The following BMPR1B variants were observed in gnomAD, a reference collection of about 807,000 sequenced individuals.
The protein encoded by BMPR1B is bone morphogenetic protein receptor type-1B.
BMPR1B carries 12 observed loss-of-function variants against 59.1 expected under a neutral mutation model. That is an observed-to-expected ratio of 0.20 (90% CI 0.13 to 0.33). The LOEUF (loss-of-function observed/expected upper bound fraction) is 0.33, where lower values mean the gene tolerates loss of function less well. BMPR1B is among the 10% of genes least tolerant of loss of function. The pLI is 1.00. For missense variants in BMPR1B, 550 were observed against 610.9 expected, an observed-to-expected ratio of 0.90 and a Z score of 1.05; for synonymous variants, 237 against 207.3, an observed-to-expected ratio of 1.14 and a Z score of -1.23.
rs1004244411 is a variant in BMPR1B, at chr4:94,869,132, A to T, written c.-182-6699A>T. Among the ~76,000 whole-genome samples the T allele has an allele frequency of 1.6e-4, 21 of 132,134 alleles. No individual in the cohort carries two copies. In the South Asian group the frequency reaches 4.9e-3, roughly 31 times the overall value. 86.7% of individuals were successfully genotyped at this position (132,134 alleles called of 152,430 possible). A position where few individuals can be genotyped will look rare whatever the true frequency, so the allele number is the denominator to read the frequency against. On this transcript the variant is annotated intron_variant, in intron 1 of 12. Coordinates refer to ENST00000515059, the MANE Select transcript of BMPR1B (RefSeq NM_001203.3). Reference sequence around the variant, plus strand: ...CACACACACACACACACACACACACACACACACACACTTTGCTTTAAAGGA... The same window carrying T: ...CACACACACACACACACACACACACTCACACACACACTTTGCTTTAAAGGA...
chr4:94,778,443 A>C (rs746115697), intron 1 of BMPR1B, among the ~76,000 whole-genome samples: 1 of 152,070 alleles, frequency 6.6e-6, no homozygotes, highest in African/African-American at 2.4e-5. Context: ...TTTGTGATAC[A>C]CTGTTGGGGG....
chr4:94,919,418 A>G (rs1436669341), intron 2 of BMPR1B, among the ~76,000 whole-genome samples: 2 of 152,218 alleles, frequency 1.3e-5, no homozygotes, highest in Non-Finnish European at 2.9e-5. Flanking sequence ...TAACAAACAA[A>G]GGCTTCACAA....
chr4:94,920,159 T>A (rs1728635311), intron 2 of BMPR1B, among the ~76,000 whole-genome samples: 1 of 152,162 alleles, frequency 6.6e-6, no homozygotes, highest in Admixed American at 6.5e-5. Context: ...ATTGTACTTT[T>A]TATACTGGTT....
At position 94,910,856 on chromosome 4, in the gene BMPR1B, G is replaced by A. The variant is rs1728245759; in HGVS notation, c.-113+34956G>A. Among the ~76,000 whole-genome samples, 3 of 152,102 alleles carry A rather than the reference G, an allele frequency of 2.0e-5. 1 individual carries two copies. The highest frequency in any genetic ancestry group is 1.5e-5 in the Non-Finnish European group (1 of 68,010). ...GAGCCCAGGAGTTTGAGGTTATAGAGAGCTGTGATGGTGCCACTGAACTCT... is the reference window on the plus strand; with the variant it reads ...GAGCCCAGGAGTTTGAGGTTATAGAAAGCTGTGATGGTGCCACTGAACTCT... On this transcript the variant is annotated intron_variant, in intron 2 of 12. Coordinates refer to ENST00000515059, the MANE Select transcript of BMPR1B (RefSeq NM_001203.3).
intron 2 of BMPR1B, among the ~76,000 whole-genome samples, chr4:94,950,603 T>C (rs1042602895): frequency 4.6e-5 from 7 of 152,134 alleles, no homozygotes; most frequent in Non-Finnish European, 1.0e-4. Flanking sequence ...TGGTTGTAGA[T>C]GTGTGGTGTT....
chr4:95,060,576 CGTCTCTTCCTCAGA>C (rs1727286965), intron 3 of BMPR1B, among the ~76,000 whole-genome samples: 1 of 152,122 alleles, frequency 6.6e-6, no homozygotes, highest in Non-Finnish European at 1.5e-5. Flanking sequence ...CCAAATTTCC[CGTCTCTTCCTCAGA>C]TACATTTAAC....
At chr4:94,949,063 T>G (rs1222453843) in intron 2 of BMPR1B, among the ~76,000 whole-genome samples, 1 of 152,208 alleles carries the variant, frequency 6.6e-6, no homozygotes, top group Non-Finnish European at 1.5e-5. Flanking sequence ...CATGGTGATT[T>G]GCTGCACCCA....
At chr4:94,825,989 C>A (rs1724368146) in intron 1 of BMPR1B, among the ~76,000 whole-genome samples, 1 of 151,642 alleles carries the variant, frequency 6.6e-6, no homozygotes. Context: ...TTACTTTTTC[C>A]CCAGTGCCAT....
chr4:94,940,394 T>C (rs1729464909), intron 2 of BMPR1B, among the ~76,000 whole-genome samples: 3 of 152,192 alleles, frequency 2.0e-5, no homozygotes, highest in Admixed American at 2.0e-4. Context: ...ATGCATCCAG[T>C]GTGGCCTAGG....
rs369026990 is a variant in BMPR1B at position 94,981,661 on chromosome 4, A to T, written c.-112-14379A>T. Among the ~76,000 whole-genome samples, 137 of 152,334 alleles carry T rather than the reference A, an allele frequency of 9.0e-4. 3 individuals carry two copies. In the South Asian group the frequency reaches 0.028, roughly 31 times the overall value. ...CTAAATTGACACTAAGACTTGGAAA[A>T]TGTAACCTATGATTAGGAGACTTTA... On this transcript the variant is annotated intron_variant, in intron 2 of 12. Coordinates refer to ENST00000515059, the MANE Select transcript of BMPR1B (RefSeq NM_001203.3).
intron 2 of BMPR1B, among the ~76,000 whole-genome samples, chr4:94,929,446 T>G (rs1729010479): frequency 6.6e-6 from 1 of 152,130 alleles, no homozygotes; most frequent in African/African-American, 2.4e-5. Flanking sequence ...AATTACTTCT[T>G]TGCAAAATTT....
intron 3 of BMPR1B, among the ~76,000 whole-genome samples, chr4:95,009,888 T>C (rs1489873325): frequency 2.0e-5 from 3 of 152,134 alleles, no homozygotes; most frequent in African/African-American, 7.2e-5. Flanking sequence ...AGTTCCTCTT[T>C]CCGTGTGGAG....
At chr4:94,974,421 G>C (rs1730932680) in intron 2 of BMPR1B, among the ~76,000 whole-genome samples, 1 of 151,810 alleles carries the variant, frequency 6.6e-6, no homozygotes, top group South Asian at 2.1e-4. Context: ...TGCAGCCCTT[G>C]TCAGACTAGC....
intron 10 of BMPR1B, 135 bp from the exon 11 acceptor site, chr4:95,148,613 A>G (rs1734812292): frequency 3.4e-6 from 3 of 893,416 alleles, no homozygotes; most frequent in Non-Finnish European, 5.3e-6. Context: ...ATATTCTTTA[A>G]GAAATTGTTT....
intron 3 of BMPR1B, among the ~76,000 whole-genome samples, chr4:95,043,696 C>T (rs1725837082): frequency 6.6e-6 from 1 of 152,050 alleles, no homozygotes; most frequent in South Asian, 2.1e-4. Context: ...GAAATGATGC[C>T]CTCCAAGTAT....
intron 1 of BMPR1B, among the ~76,000 whole-genome samples, chr4:94,786,850 G>C (rs528977837): frequency 6.6e-6 from 1 of 152,098 alleles, no homozygotes; most frequent in East Asian, 1.9e-4. Flanking sequence ...AGCCCACTTA[G>C]CTAATTTTTA....
chr4:94,816,190 A>C (rs1724002703), intron 1 of BMPR1B, among the ~76,000 whole-genome samples: 1 of 152,216 alleles, frequency 6.6e-6, no homozygotes, highest in Non-Finnish European at 1.5e-5. Context: ...TGTGTCAACT[A>C]GGCTGGAGTG....
At chr4:95,070,491 AAAG>A (rs1391049281) in intron 3 of BMPR1B, among the ~76,000 whole-genome samples, 2 of 152,190 alleles carry the variant, frequency 1.3e-5, no homozygotes, top group Non-Finnish European at 2.9e-5. Context: ...CCTTCTTGAA[AAAG>A]AAGAGTAACT....
intron 3 of BMPR1B, among the ~76,000 whole-genome samples, chr4:95,010,172 G>A (rs1197174606): frequency 6.6e-6 from 1 of 152,040 alleles, no homozygotes; most frequent in Non-Finnish European, 1.5e-5. Context: ...GGGTAAAGAT[G>A]GGTACTTTAC....
Sources: allele counts gnomAD v4.1 joint callset (sites outside exome capture counted in the v4.1 genomes callset), GRCh38; gene constraint gnomAD v4.1.1; transcripts MANE v1.5; gene names NCBI Gene and HGNC (gene_info 2026-07-23, HGNC 2026-07-21).